Variants in XRN2 observed in about 807,000 individuals in gnomAD.
XRN2 encodes DHM1-like protein.
Under a neutral mutation model 138.5 loss-of-function variants are expected in XRN2, and 44 were observed. That is an observed-to-expected ratio of 0.32 (90% CI 0.25 to 0.41). The LOEUF (loss-of-function observed/expected upper bound fraction) is 0.41, where lower values mean the gene tolerates loss of function less well. Ranked by LOEUF, XRN2 falls within the 10% of genes least tolerant of loss-of-function variation. The pLI is 1.00. For synonymous variants in XRN2, 354 were observed against 369.4 expected (o/e 0.96, Z 0.48); for missense variants, 937 against 1,169.3 (o/e 0.80, Z 2.90).
chr20:21,326,125 G>C (rs1396607612), intron 1 of XRN2, among the ~76,000 whole-genome samples, 154 bp from the exon 2 acceptor site: 1 of 152,198 alleles, frequency 6.6e-6, no homozygotes, highest in African/African-American at 2.4e-5. Flanking sequence ...GCTTCAGTTT[G>C]CTTTAAGGAA....
intron 28 of XRN2, among the ~76,000 whole-genome samples, chr20:21,383,378 G>C (rs2038906205): frequency 6.6e-6 from 1 of 152,120 alleles, no homozygotes; most frequent in Non-Finnish European, 1.5e-5. Flanking sequence ...ATGTTTGTCT[G>C]CTTACAAAGT....
At chr20:21,384,839 A>G (rs2038921390) in intron 28 of XRN2, among the ~76,000 whole-genome samples, 1 of 152,148 alleles carries the variant, frequency 6.6e-6, no homozygotes, top group Non-Finnish European at 1.5e-5. Flanking sequence ...CTGTGCTTCT[A>G]TCCCAGATTT....
At chr20:21,362,110 T>C (rs1027503697) in intron 24 of XRN2, among the ~76,000 whole-genome samples, 2 of 137,344 alleles carry the variant, frequency 1.5e-5, no homozygotes, top group Non-Finnish European at 3.2e-5. Context: ...TTTTGTTGAA[T>C]GTGGTTCTGA....
chr20:21,387,021 G>A lies in XRN2; in HGVS notation c.2787+15G>A, dbSNP rs2038943893. On this transcript the variant is annotated intron_variant, in intron 29 of 29. Coordinates refer to ENST00000377191, the MANE Select transcript of XRN2 (RefSeq NM_012255.5). The stretch of plus-strand genomic sequence containing the variant: ...GAGGGAGACAGGTAAATGGTTGTGG[G>A]ATGAAAAGTATACTGCTCACTTTAT... 3.7e-6 allele frequency: 6 copies of A among 1,601,020 alleles called. No homozygotes were observed. Among genetic ancestry groups the A allele is most frequent in the South Asian group, 3.3e-5 (3 of 90,554 alleles).
intron 27 of XRN2, among the ~76,000 whole-genome samples, chr20:21,380,696 A>T (rs375087561): frequency 2.0e-5 from 3 of 152,212 alleles, no homozygotes; most frequent in East Asian, 3.9e-4. Flanking sequence ...CACAATGGGA[A>T]TCTGCCTGGA....
At chr20:21,319,451 T>TG (rs2038007912) in intron 1 of XRN2, among the ~76,000 whole-genome samples, 1 of 152,178 alleles carries the variant, frequency 6.6e-6, no homozygotes, top group African/African-American at 2.4e-5. Flanking sequence ...TCTCTATTTC[T>TG]CCTTTGTGCT....
intron 6 of XRN2, 46 bp downstream of exon 6, chr20:21,330,751 C>T (rs773986077): frequency 7.2e-6 from 11 of 1,524,790 alleles, no homozygotes; most frequent in South Asian, 2.3e-5. Context: ...GGTGATCATT[C>T]GAGGCTGTAC....
intron 27 of XRN2, among the ~76,000 whole-genome samples, chr20:21,374,055 G>A (rs1600716295): frequency 6.6e-6 from 1 of 151,954 alleles, no homozygotes; most frequent in African/African-American, 2.4e-5. Flanking sequence ...AAAAATTCAG[G>A]ACAAAAAGAA....
chr20:21,350,720 A>G (rs1175318629), intron 20 of XRN2, among the ~76,000 whole-genome samples: 1 of 152,100 alleles, frequency 6.6e-6, no homozygotes, highest in Non-Finnish European at 1.5e-5. Flanking sequence ...GGAATGGCCA[A>G]TAAAATGACT....
At chr20:21,370,453 G>A (rs2038748775) in intron 27 of XRN2, among the ~76,000 whole-genome samples, 1 of 152,142 alleles carries the variant, frequency 6.6e-6, no homozygotes. Context: ...AAAGTATGAG[G>A]AAATGATTGC....
intron 1 of XRN2, among the ~76,000 whole-genome samples, chr20:21,315,588 G>C (rs1045760351): frequency 6.6e-6 from 1 of 152,106 alleles, no homozygotes; most frequent in Non-Finnish European, 1.5e-5. Context: ...CATCTCCCAG[G>C]GTCACGTTAT....
chr20:21,303,374 C>T lies in XRN2; in HGVS notation c.-25C>T, dbSNP rs780889066. ...TTGGTTACGCTCGTCAGCCGGTCGG[C>T]CGCCGCCTCCAGCCGTGTGCCGCTA... On this transcript the variant is annotated 5_prime_UTR_variant, in exon 1 of 30. Coordinates refer to ENST00000377191, the MANE Select transcript of XRN2 (RefSeq NM_012255.5). 35 of 1,542,226 alleles carry T rather than the reference C, an allele frequency of 2.3e-5. No homozygotes were observed. The Middle Eastern group carries it at 5.4e-4, about 24-fold the overall frequency.
Position 21,307,774 on chromosome 20 carries a change from T to C in XRN2, c.75+4301T>C, listed in dbSNP as rs1390920168. Among the ~76,000 whole-genome samples, 2 of 76,882 alleles carry C rather than the reference T, an allele frequency of 2.6e-5. 1 individual carries two copies. The highest frequency in any genetic ancestry group is 7.1e-5 in the African/African-American group (2 of 28,132). The allele number at this position is 76,882 out of a possible 152,430, so 50.4% of individuals were successfully genotyped here. A position where few individuals can be genotyped will look rare whatever the true frequency, so the allele number is the denominator to read the frequency against. Reference sequence around the variant, plus strand: ...CTGCCACCTGTCTTTTGCCAACCACTGACTGGTTTGCTTTCTGACCGTATG... The same window carrying C: ...CTGCCACCTGTCTTTTGCCAACCACCGACTGGTTTGCTTTCTGACCGTATG... On this transcript the variant is annotated intron_variant, in intron 1 of 29. Coordinates refer to ENST00000377191, the MANE Select transcript of XRN2 (RefSeq NM_012255.5).
intron 24 of XRN2, among the ~76,000 whole-genome samples, 171 bp from the exon 25 acceptor site, chr20:21,365,250 G>A (rs1318602875): frequency 6.6e-6 from 1 of 152,108 alleles, no homozygotes; most frequent in Non-Finnish European, 1.5e-5. Context: ...AAGGTTATAT[G>A]TACCAGGAAT....
Position 21,389,284 on chromosome 20 carries a change from A to G in XRN2, c.2799A>G (p.Arg933=), listed in dbSNP as rs771258164. 2 of 1,613,004 alleles carry G rather than the reference A, an allele frequency of 1.2e-6. No individual in the cohort carries two copies. The highest frequency in any genetic ancestry group is 2.7e-5 in the African/African-American group (2 of 74,874). Residue 933 remains arginine (R), a synonymous_variant, in exon 30 of 30, where the codon AGA becomes AGG. Coordinates refer to ENST00000377191, the MANE Select transcript of XRN2 (RefSeq NM_012255.5). ...TTGTTTATTTTCAGGGATATCCCAG[A>G]GAAGGAAGGAAATACCCTTTGCCAC... ...DDRGGRQGYP[R]EGRKYPLPPP...
At chr20:21,320,867 TG>T in intron 1 of XRN2, among the ~76,000 whole-genome samples, 1 of 152,218 alleles carries the variant, frequency 6.6e-6, no homozygotes, top group Non-Finnish European at 1.5e-5. Context: ...CGTCAGTGTT[TG>T]GTATTTGTGC....
At chr20:21,341,026 A>G (rs2038365477) in intron 15 of XRN2, among the ~76,000 whole-genome samples, 174 bp downstream of exon 15, 1 of 151,790 alleles carries the variant, frequency 6.6e-6, no homozygotes, top group Non-Finnish European at 1.5e-5. Context: ...TCAATATGAA[A>G]ATATCCAAAT....
chr20:21,303,553 C>T, intron 1 of XRN2, 80 bp downstream of exon 1: 1 of 1,443,628 alleles, frequency 6.9e-7, no homozygotes, highest in Non-Finnish European at 9.1e-7. Context: ...GCTCCGCCGC[C>T]TGCCCCCGGG....
intron 13 of XRN2, among the ~76,000 whole-genome samples, chr20:21,334,862 A>G (rs1392673805): frequency 2.6e-5 from 4 of 152,188 alleles, no homozygotes; most frequent in Non-Finnish European, 5.9e-5. Context: ...AGGGGGCTGT[A>G]GGACACCTGA....
Sources: allele counts gnomAD v4.1 joint callset (sites outside exome capture counted in the v4.1 genomes callset), GRCh38; gene constraint gnomAD v4.1.1; transcripts MANE v1.5; gene names NCBI Gene and HGNC (gene_info 2026-07-23, HGNC 2026-07-21).